Variants in SIPA1L1 observed in about 807,000 individuals in gnomAD.
The protein encoded by SIPA1L1 is signal induced proliferation associated 1 like 1.
In SIPA1L1, 26 loss-of-function variants were observed where a neutral mutation model predicts 162.7. That is an observed-to-expected ratio of 0.16 (90% CI 0.12 to 0.22). The LOEUF (loss-of-function observed/expected upper bound fraction) is 0.22, where lower values mean the gene tolerates loss of function less well. Ranked by LOEUF, SIPA1L1 falls within the 10% of genes least tolerant of loss-of-function variation. SIPA1L1 has a pLI of 1.00. For missense variants in SIPA1L1, 1,874 were observed against 2,241.0 expected (o/e 0.84, Z 3.31); for synonymous variants, 829 against 837.4 (o/e 0.99, Z 0.17).
chr14:71,483,026 A>G (rs1348409253), intron 2 of SIPA1L1, among the ~76,000 whole-genome samples: 2 of 152,188 alleles, frequency 1.3e-5, no homozygotes, highest in Non-Finnish European at 2.9e-5. Flanking sequence ...AAGCACAGAT[A>G]TGATCCTTTA....
intron 2 of SIPA1L1, among the ~76,000 whole-genome samples, chr14:71,469,878 C>T (rs1320244852): frequency 6.6e-6 from 1 of 152,124 alleles, no homozygotes; most frequent in South Asian, 2.1e-4. Context: ...AGTCATGCTC[C>T]GTCATAACCA....
At chr14:71,680,756 G>A (rs570157370) in intron 12 of SIPA1L1, among the ~76,000 whole-genome samples, 3 of 152,260 alleles carry the variant, frequency 2.0e-5, no homozygotes, top group East Asian at 3.9e-4. Flanking sequence ...TATCACCACC[G>A]ATCCCACAGA....
chr14:71,347,530 T>C (rs1031052849), intron 2 of SIPA1L1, among the ~76,000 whole-genome samples: 4 of 152,226 alleles, frequency 2.6e-5, no homozygotes, highest in Admixed American at 2.6e-4. Context: ...TGTTGACTTA[T>C]ATAGTAACTC....
intron 13 of SIPA1L1, among the ~76,000 whole-genome samples, chr14:71,686,998 G>GA (rs2080918196): frequency 6.6e-6 from 1 of 152,200 alleles, no homozygotes; most frequent in South Asian, 2.1e-4. Context: ...GGAAGATTTA[G>GA]AAACCACACT....
intron 2 of SIPA1L1, among the ~76,000 whole-genome samples, chr14:71,437,392 G>C (rs1355128274): frequency 6.6e-6 from 1 of 152,112 alleles, no homozygotes; most frequent in Non-Finnish European, 1.5e-5. Context: ...CTTTGAGGCA[G>C]AGTCTCGTTC....
At chr14:71,354,180 C>G (rs2036998243) in intron 2 of SIPA1L1, among the ~76,000 whole-genome samples, 1 of 151,866 alleles carries the variant, frequency 6.6e-6, no homozygotes, top group African/African-American at 2.4e-5. Flanking sequence ...GCATCATATC[C>G]TTAATCTTGC....
chr14:71,401,560 T>TA (rs2041674736), intron 2 of SIPA1L1, among the ~76,000 whole-genome samples: 1 of 152,136 alleles, frequency 6.6e-6, no homozygotes, highest in Admixed American at 6.5e-5. Context: ...GAAAGAAACA[T>TA]ACCTGTCCTG....
chr14:71,588,160 A>G lies in SIPA1L1; in HGVS notation c.288A>G (p.Ser96=), dbSNP rs1324802005. 1.9e-6 allele frequency: 3 copies of G among 1,614,074 alleles called. No individual in the cohort carries two copies. The African/African-American group carries it at 4.0e-5, about 22-fold the overall frequency. Residue 96 remains serine, a synonymous_variant, in exon 5 of 24, where the codon TCA becomes TCG. Coordinates refer to ENST00000381232, the MANE Select transcript of SIPA1L1 (RefSeq NM_001386936.1). This position sits in a 1 kb window ranked among gnomAD's most constrained non-coding sequence, Gnocchi z 4.3. ...RKENIKESSR[S]SQEIETSSCL... ...AAAACATAAAAGAATCTAGCCGTTCAAGCCAGGAAATAGAAACCTCAAGTT... is the reference window on the plus strand; with the variant it reads ...AAAACATAAAAGAATCTAGCCGTTCGAGCCAGGAAATAGAAACCTCAAGTT...
chr14:71,334,186 T>C (rs1176206939), intron 2 of SIPA1L1, among the ~76,000 whole-genome samples: 2 of 152,192 alleles, frequency 1.3e-5, no homozygotes, highest in African/African-American at 4.8e-5. Context: ...TCATGAGCTT[T>C]AGTTTTCTCA....
At chr14:71,647,485 C>T (rs569665177) in intron 7 of SIPA1L1, among the ~76,000 whole-genome samples, 4 of 152,070 alleles carry the variant, frequency 2.6e-5, no homozygotes, top group Admixed American at 2.6e-4. Flanking sequence ...TAAATAGGCA[C>T]CCACAAATTC....
chr14:71,685,595 G>A lies in SIPA1L1; in HGVS notation c.3338G>A (p.Arg1113Gln), dbSNP rs2046219140. 3 of 1,614,144 alleles carry A rather than the reference G, an allele frequency of 1.9e-6. No homozygotes were observed. Among genetic ancestry groups the A allele is most frequent in the African/African-American group, 1.3e-5 (1 of 75,036 alleles). The change falls in exon 13 of 24, where the codon CGA becomes CAA. Residue 1113 changes from arginine to glutamine, a missense_variant. Physicochemically the swap from Arg to Gln is conservative, Grantham distance 43. Around this residue, in one of 5 missense-constraint regions of SIPA1L1, gnomAD observed 936 missense variants for 1,051.9 expected, o/e 0.89. Transcript: ENST00000381232. ...PPPERAANIP[R>Q]SISSDGRPLE... The stretch of plus-strand genomic sequence containing the variant: ...CCAGAAAGAGCCGCCAACATCCCTC[G>A]AAGCATCTCCAGTGACGGGCGCCCA...
In SIPA1L1 at chr14:71,486,963, T is replaced by C. The variant is rs2048813510; in HGVS notation, c.-464-25780T>C. ...TCTTTCTTTCTCACAGAGGCCCTTC[T>C]TTAGATAGAACTCTTGAAAGCTCTC... On this transcript the variant is annotated intron_variant, in intron 2 of 23. Coordinates refer to ENST00000381232, the MANE Select transcript of SIPA1L1 (RefSeq NM_001386936.1). Among the ~76,000 whole-genome samples the C allele has an allele frequency of 9.9e-5, 15 of 152,220 alleles. No individual in the cohort carries two copies. The South Asian group carries it at 3.1e-3, about 32-fold the overall frequency.
At chr14:71,676,388 C>G (rs568521657) in intron 12 of SIPA1L1, among the ~76,000 whole-genome samples, 72 of 151,616 alleles carry the variant, frequency 4.7e-4, no homozygotes, top group Admixed American at 1.8e-3. Flanking sequence ...CGTTTCCAAA[C>G]TACAATTTTT....
At chr14:71,455,776 A>G (rs1336223595) in intron 2 of SIPA1L1, among the ~76,000 whole-genome samples, 3 of 152,150 alleles carry the variant, frequency 2.0e-5, no homozygotes, top group South Asian at 2.1e-4. Context: ...TTGAACCTAC[A>G]TATGTTTGCT....
intron 4 of SIPA1L1, among the ~76,000 whole-genome samples, chr14:71,549,221 C>T (rs941903432): frequency 5.3e-5 from 8 of 152,126 alleles, no homozygotes; most frequent in East Asian, 1.9e-4. Flanking sequence ...ATCAGTAGAT[C>T]GGGATTACTA....
chr14:71,387,295 T>C (rs886102264), intron 2 of SIPA1L1, among the ~76,000 whole-genome samples: 8 of 146,728 alleles, frequency 5.5e-5, no homozygotes, highest in African/African-American at 2.0e-4. Context: ...GAGTAAATAT[T>C]GTTAATACAG....
At chr14:71,473,149 A>G (rs903039507) in intron 2 of SIPA1L1, among the ~76,000 whole-genome samples, 5 of 152,172 alleles carry the variant, frequency 3.3e-5, no homozygotes, top group Non-Finnish European at 1.5e-5. Context: ...AATGACTAAG[A>G]GAGACCATGA....
At chr14:71,370,548 C>G (rs2038788644) in intron 2 of SIPA1L1, among the ~76,000 whole-genome samples, 1 of 152,108 alleles carries the variant, frequency 6.6e-6, no homozygotes, top group African/African-American at 2.4e-5. Context: ...TATAATTGCC[C>G]TTCAGTAGTA....
intron 17 of SIPA1L1, among the ~76,000 whole-genome samples, chr14:71,721,584 G>T (rs1447932857): frequency 6.6e-6 from 1 of 152,232 alleles, no homozygotes; most frequent in African/African-American, 2.4e-5. Flanking sequence ...CAAAGTTCTG[G>T]AATCGAGGGC....
Sources: allele counts gnomAD v4.1 joint callset (sites outside exome capture counted in the v4.1 genomes callset), GRCh38; gene constraint gnomAD v4.1.1; regional missense constraint gnomAD v4.1.1; non-coding constraint Gnocchi (gnomAD v3.1); transcripts MANE v1.5; gene names NCBI Gene and HGNC (gene_info 2026-07-23, HGNC 2026-07-21).